Variants in PCK1 observed in about 807,000 individuals in gnomAD.
The protein encoded by PCK1 is phosphoenolpyruvate carboxykinase, cytosolic [GTP].
A neutral mutation model predicts 50.3 loss-of-function variants in PCK1; 44 were observed. That is an observed-to-expected ratio of 0.87 (90% CI 0.69 to 1.12). The LOEUF (loss-of-function observed/expected upper bound fraction) is 1.12, where lower values mean the gene tolerates loss of function less well. Among genes scored for constraint, PCK1 ranks in the 50% most tolerant of loss-of-function variants. The pLI is 0.00. For missense variants in PCK1, 790 were observed against 815.0 expected (o/e 0.97, Z 0.37); for synonymous variants, 332 against 314.3 (o/e 1.06, Z -0.59).
At chr20:57,563,450 G>T in intron 5 of PCK1, 115 bp from the exon 6 acceptor site, 1 of 760,682 alleles carries the variant, frequency 1.3e-6, no homozygotes. Flanking sequence ...GTGTTTGTTT[G>T]CACTGATACC....
At chr20:57,562,317 T>C (rs1342174042) in intron 3 of PCK1, 65 bp downstream of exon 3, 5 of 1,355,712 alleles carry the variant, frequency 3.7e-6, no homozygotes, top group Admixed American at 1.9e-5. Context: ...ACATCTATCC[T>C]AATGGTAATT....
rs2179706 is a variant in PCK1 at position 57,564,815 on chromosome 20, C to T, written c.1318+202C>T. On this transcript the variant is annotated intron_variant, in intron 8 of 9. Coordinates refer to ENST00000319441, the MANE Select transcript of PCK1 (RefSeq NM_002591.4). ...GGTCACCTGGAACCTTTCTGAATCC[C>T]TGATCTATTGTAGCTTGATCAAATT... The T allele has an allele frequency of 0.46, 287,846 of 619,532 alleles. 68,335 individuals carry two copies. The highest frequency in any genetic ancestry group is 0.65 in the East Asian group (23,658 of 36,334). 38.4% of individuals were successfully genotyped at this position (619,532 alleles called of 1,614,324 possible). A position where few individuals can be genotyped will look rare whatever the true frequency, so the allele number is the denominator to read the frequency against.
rs1403849402 is a variant in PCK1 at position 57,561,397 on chromosome 20, C to A, written c.-15C>A. On this transcript the variant is annotated 5_prime_UTR_variant, in exon 2 of 10. Coordinates refer to ENST00000319441, the MANE Select transcript of PCK1 (RefSeq NM_002591.4). ...GTGACCTCACATTCGTGCCCCTTAG[C>A]AGCACTCTGCAGAAATGCCTCCTCA... 3.2e-6 allele frequency: 5 copies of A among 1,583,190 alleles called. No homozygotes were observed. Among genetic ancestry groups the A allele is most frequent in the Non-Finnish European group, 4.3e-6 (5 of 1,154,810 alleles).
In PCK1 at chr20:57,568,065, T is replaced by C. The variant is rs1251388079; in HGVS notation, c.*2261T>C. 7 of 152,256 alleles carry C rather than the reference T, an allele frequency of 4.6e-5. No individual in the cohort carries two copies. Among genetic ancestry groups the C allele is most frequent in the Non-Finnish European group, 7.3e-5 (5 of 68,052 alleles). The allele number at this position is 152,256 out of a possible 1,614,324, so 9.4% of individuals were successfully genotyped here. A position where few individuals can be genotyped will look rare whatever the true frequency, so the allele number is the denominator to read the frequency against. ...TGCTCCCTCTGTCTCCAAATCCTGA[T>C]TTTTGTGCGCGGACCCCTGTCTACA... On this transcript the variant is annotated 3_prime_UTR_variant, in exon 10 of 10. Transcript: ENST00000319441.
In PCK1 at chr20:57,562,172, G is replaced by A; in HGVS notation, c.326G>A (p.Gly109Asp). The A allele has an allele frequency of 1.2e-6, 2 of 1,614,164 alleles. No individual in the cohort carries two copies. Among genetic ancestry groups the A allele is most frequent in the Non-Finnish European group, 1.7e-6 (2 of 1,179,980 alleles). ...QRDTVPIPKTGLSQLGRWMSE... is the reference protein window; with the variant it reads ...QRDTVPIPKTDLSQLGRWMSE... ...GACACAGTGCCCATCCCCAAAACAG[G>A]CCTCAGCCAGCTCGGTCGCTGGATG... The change falls in exon 3 of 10, where the codon GGC becomes GAC. Residue 109 changes from glycine (G) to aspartate (D), a missense_variant. Coordinates refer to ENST00000319441, the MANE Select transcript of PCK1 (RefSeq NM_002591.4).
intron 3 of PCK1, 41 bp downstream of exon 3, chr20:57,562,293 G>A (rs752953597): frequency 1.3e-6 from 2 of 1,540,130 alleles, no homozygotes; most frequent in South Asian, 2.3e-5. Context: ...ACAGCAGAGA[G>A]CCTTTTCTTA....
rs536660464 is a variant in PCK1, at chr20:57,566,830, G to T, written c.*1026G>T. ...AAATTACATTGTGGACAGTTTCATA[G>T]GATTTTGCCTTTTAACTCTTCAAAG... is the stretch of plus-strand genomic sequence containing the variant. On this transcript the variant is annotated 3_prime_UTR_variant, in exon 10 of 10. Transcript: ENST00000319441. The T allele has an allele frequency of 6.6e-5, 10 of 152,318 alleles. No homozygotes were observed. Among genetic ancestry groups the T allele is most frequent in the African/African-American group, 2.2e-4 (9 of 41,554 alleles). The allele number at this position is 152,318 out of a possible 1,614,324, so 9.4% of individuals were successfully genotyped here.
In PCK1 at chr20:57,566,573, C is replaced by G. The variant is rs1161033084; in HGVS notation, c.*769C>G. On this transcript the variant is annotated 3_prime_UTR_variant, in exon 10 of 10. Transcript: ENST00000319441. ...CCAAGAAGGTGGGGACGTTCAGAAT[C>G]ACACTTGAAGAGGGGGTGCATTGCC... 1 of 152,172 alleles carries G rather than the reference C, an allele frequency of 6.6e-6. No individual in the cohort carries two copies. Among genetic ancestry groups the G allele is most frequent in the Admixed American group, 6.5e-5 (1 of 15,278 alleles). The allele number at this position is 152,172 out of a possible 1,614,324, so 9.4% of individuals were successfully genotyped here.
At position 57,563,796 on chromosome 20, in the gene PCK1, C is replaced by T. The variant is rs2070176794; in HGVS notation, c.961+69C>T. ...CGAATCGTTGGCCTTCGAAACATGTCACATTCTCCTCAGTCCAGTGTTTGG... is the reference window on the plus strand; with the variant it reads ...CGAATCGTTGGCCTTCGAAACATGTTACATTCTCCTCAGTCCAGTGTTTGG... On this transcript the variant is annotated intron_variant, in intron 6 of 9. Coordinates refer to ENST00000319441, the MANE Select transcript of PCK1 (RefSeq NM_002591.4). 2.4e-6 allele frequency: 3 copies of T among 1,270,120 alleles called. No homozygotes were observed. The East Asian group carries it at 7.0e-5, about 30-fold the overall frequency. 78.7% of individuals were successfully genotyped at this position (1,270,120 alleles called of 1,614,324 possible).
chr20:57,561,280 T>A, intron 1 of PCK1, 77 bp downstream of exon 1: 1 of 640,374 alleles, frequency 1.6e-6, no homozygotes, highest in Non-Finnish European at 2.8e-6. Flanking sequence ...AATAACTATT[T>A]GGCAATGCAC....
chr20:57,562,158 C>T lies in PCK1; in HGVS notation c.312C>T (p.Pro104=). 1 of 1,614,108 alleles carries T rather than the reference C, an allele frequency of 6.2e-7. No individual in the cohort carries two copies. The highest frequency in any genetic ancestry group is 8.5e-7 in the Non-Finnish European group (1 of 1,179,946). The change falls in exon 3 of 10, where the codon CCC becomes CCT. Residue 104 remains proline, a synonymous_variant. Transcript: ENST00000319441. ...IVTQEQRDTV[P]IPKTGLSQLG... is the part of the protein sequence containing the mutation. ...CCCAAGAGCAAAGAGACACAGTGCCCATCCCCAAAACAGGCCTCAGCCAGC... is the reference window on the plus strand; with the variant it reads ...CCCAAGAGCAAAGAGACACAGTGCCTATCCCCAAAACAGGCCTCAGCCAGC...
rs2070218132 is a variant in PCK1, at chr20:57,568,063, GA to G, written c.*2260del. 2 of 152,224 alleles carry G rather than the reference GA, an allele frequency of 1.3e-5. No homozygotes were observed. The highest frequency in any genetic ancestry group is 2.9e-5 in the Non-Finnish European group (2 of 68,048). The allele number at this position is 152,224 out of a possible 1,614,324, so 9.4% of individuals were successfully genotyped here. On this transcript the variant is annotated 3_prime_UTR_variant, in exon 10 of 10. Transcript: ENST00000319441. ...AGTGCTCCCTCTGTCTCCAAATCCT[GA>G]TTTTTGTGCGCGGACCCCTGTCTAC...
rs199801796 is a variant in PCK1, at chr20:57,562,267, G to C, written c.406+15G>C. 14 of 1,607,838 alleles carry C rather than the reference G, an allele frequency of 8.7e-6. No individual in the cohort carries two copies. The highest frequency in any genetic ancestry group is 1.2e-5 in the Non-Finnish European group (14 of 1,175,094). On this transcript the variant is annotated intron_variant, in intron 3 of 9. Transcript: ENST00000319441. ...GTGCATGAAAGGTGAGCGGAACATT[G>C]ATTTGATTGGGTAAAACAGCAGAGA...
At chr20:57,563,992 AG>A (rs1180031314) in intron 6 of PCK1, 176 bp from the exon 7 acceptor site, 1 of 621,098 alleles carries the variant, frequency 1.6e-6, no homozygotes, top group African/African-American at 1.8e-5. Context: ...AGGAAGCAAG[AG>A]TCGTAAACGT....
rs45437304 is a variant in PCK1 at position 57,564,082 on chromosome 20, C to T, written c.962-87C>T. On this transcript the variant is annotated intron_variant, in intron 6 of 9. Transcript: ENST00000319441. ...AGGGAAAAAAGATTTGAGAAGTTGG[C>T]ATAGAAATTAGTCCGGCAATATATA... 3.5e-4 allele frequency: 289 copies of T among 820,688 alleles called. 2 individuals are homozygous for T. The African/African-American group carries it at 4.6e-3, about 13-fold the overall frequency. The allele number at this position is 820,688 out of a possible 1,614,324, so 50.8% of individuals were successfully genotyped here.
rs766581079 is a variant in PCK1 at position 57,564,521 on chromosome 20, C to T, written c.1226C>T (p.Pro409Leu). 1.9e-6 allele frequency: 3 copies of T among 1,614,196 alleles called. No individual in the cohort carries two copies. Among genetic ancestry groups the T allele is most frequent in the Non-Finnish European group, 2.5e-6 (3 of 1,180,022 alleles). Residue 409 changes from proline (P) to leucine (L), a missense_variant, in exon 8 of 10, where the codon CCT (proline) becomes CTT (leucine). Coordinates refer to ENST00000319441, the MANE Select transcript of PCK1 (RefSeq NM_002591.4). The part of the protein sequence containing the change: ...CAHPNSRFCT[P>L]ASQCPIIDAA... Reference sequence around the variant, plus strand: ...CACCCCAACTCGAGGTTCTGCACCCCTGCCAGCCAGTGCCCCATCATTGAT... The same window carrying T: ...CACCCCAACTCGAGGTTCTGCACCCTTGCCAGCCAGTGCCCCATCATTGAT...
intron 2 of PCK1, 178 bp downstream of exon 2, chr20:57,561,813 C>T: frequency 1.6e-6 from 1 of 613,238 alleles, no homozygotes. Flanking sequence ...TGGGCCAGCC[C>T]AAGCTTTAAA....
chr20:57,562,683 T>C lies in PCK1; in HGVS notation c.407-13T>C, dbSNP rs746408146. 1.2e-6 allele frequency: 2 copies of C among 1,610,070 alleles called. No homozygotes were observed. Among genetic ancestry groups the C allele is most frequent in the Non-Finnish European group, 1.7e-6 (2 of 1,176,940 alleles). ...GTCATTTCTCACCAGTGCCCACCCATCGCACCCTGTAGGTCGCACCATGTA... is the reference window on the plus strand; with the variant it reads ...GTCATTTCTCACCAGTGCCCACCCACCGCACCCTGTAGGTCGCACCATGTA... On this transcript the variant is annotated splice_polypyrimidine_tract_variant and intron_variant, in intron 3 of 9. Transcript: ENST00000319441.
In PCK1 at chr20:57,563,639, C is replaced by T. The variant is rs28359547; in HGVS notation, c.873C>T (p.Thr291=). 12,397 of 1,613,156 alleles carry T rather than the reference C, an allele frequency of 7.7e-3. 842 individuals are homozygous for T. The African/African-American group carries it at 0.14, about 19-fold the overall frequency. Residue 291 remains threonine (T), a synonymous_variant, in exon 6 of 10, where the codon ACC becomes ACT. Transcript: ENST00000319441. ...CATTTCCCAGCGCCTGCGGGAAGAC[C>T]AACCTGGCCATGATGAACCCCAGCC... is the stretch of plus-strand genomic sequence containing the variant. ...AAAFPSACGK[T]NLAMMNPSLP... is the part of the protein sequence containing the mutation.
Sources: gnomAD v4.1 joint callset for allele counts on GRCh38, gnomAD v4.1.1 for gene constraint, MANE v1.5 for transcripts, NCBI Gene and HGNC (gene_info 2026-07-23, HGNC 2026-07-21) for gene names.